The following ZBTB44 variants were observed in gnomAD, a reference collection of about 807,000 sequenced individuals.
ZBTB44 encodes zinc finger and BTB domain-containing protein 44.
A neutral mutation model predicts 54.0 loss-of-function variants in ZBTB44; 15 were observed. The observed-to-expected ratio is 0.28, with a 90% CI of 0.19 to 0.43. The LOEUF is 0.43. ZBTB44 is among the 20% of genes least tolerant of loss of function. ZBTB44 has a pLI of 1.00. For synonymous variants in ZBTB44, 230 were observed against 250.1 expected (o/e 0.92, Z 0.76); for missense variants, 487 against 707.1 (o/e 0.69, Z 3.53).
At chr11:130,236,673 G>A (rs992263003) in intron 5 of ZBTB44, 120 bp downstream of exon 5, 13 of 1,085,854 alleles carry the variant, frequency 1.2e-5, no homozygotes, top group East Asian at 3.1e-5. Context: ...GTGGGAATCC[G>A]TAACAAATGT....
chr11:130,256,548 C>T (rs1227042148), intron 2 of ZBTB44, among the ~76,000 whole-genome samples: 1 of 151,956 alleles, frequency 6.6e-6, no homozygotes, highest in Admixed American at 6.6e-5. Context: ...TGGTGGCATG[C>T]GTCTGTAGTC....
chr11:130,252,962 C>A (rs963441712), intron 2 of ZBTB44, among the ~76,000 whole-genome samples: 2 of 152,128 alleles, frequency 1.3e-5, no homozygotes, highest in Non-Finnish European at 2.9e-5. Context: ...AAGACAAAAA[C>A]CACATGATTA....
chr11:130,273,579 C>T (rs1353729130), intron 1 of ZBTB44, among the ~76,000 whole-genome samples: 1 of 152,130 alleles, frequency 6.6e-6, no homozygotes, highest in African/African-American at 2.4e-5. Flanking sequence ...TCCCAAACTG[C>T]TAGAATTACA....
rs185083810 is a variant in ZBTB44, at chr11:130,267,483, G to A, written c.-56-5554C>T. The stretch of plus-strand genomic sequence containing the variant: ...TACAGTGGCATGATCATGGCTCACC[G>A]TAGCCTTGAAGTCCTAGGGTCAAGC... On this transcript the variant is annotated intron_variant, in intron 1 of 7. Coordinates refer to ENST00000357899, the MANE Select transcript of ZBTB44 (RefSeq NM_001301098.2). 4.3e-4 allele frequency among the ~76,000 whole-genome samples: 65 copies of A among 151,984 alleles called. No homozygotes were observed. The East Asian group carries it at 9.3e-3, about 22-fold the overall frequency.
chr11:130,273,902 G>A (rs1219923357), intron 1 of ZBTB44, among the ~76,000 whole-genome samples: 1 of 56,692 alleles, frequency 1.8e-5, no homozygotes, highest in African/African-American at 6.3e-5. Context: ...GACCCCACCC[G>A]CCCAACCCCG....
intron 1 of ZBTB44, among the ~76,000 whole-genome samples, chr11:130,308,642 A>G (rs182080283): frequency 7.7e-4 from 117 of 152,362 alleles, no homozygotes; most frequent in Non-Finnish European, 1.2e-3. Flanking sequence ...GTATTAGTTC[A>G]TTCAGCCTAC....
intron 1 of ZBTB44, among the ~76,000 whole-genome samples, chr11:130,309,055 T>C (rs1025086524): frequency 6.6e-6 from 1 of 152,168 alleles, no homozygotes; most frequent in East Asian, 1.9e-4. Context: ...GACAGAAAAA[T>C]GCAAGTTAGC....
chr11:130,266,229 C>T (rs1194691900), intron 1 of ZBTB44, among the ~76,000 whole-genome samples: 1 of 152,232 alleles, frequency 6.6e-6, no homozygotes, highest in Non-Finnish European at 1.5e-5. Flanking sequence ...AACAACACAG[C>T]CTGATGACAG....
At chr11:130,312,223 A>T (rs531915339) in intron 1 of ZBTB44, among the ~76,000 whole-genome samples, 2 of 152,198 alleles carry the variant, frequency 1.3e-5, no homozygotes, top group Non-Finnish European at 2.9e-5. Flanking sequence ...AAAACCACTA[A>T]GCAAAAGATT....
chr11:130,240,041 A>ATT (rs11449622), intron 2 of ZBTB44, 145 bp from the exon 3 acceptor site: 41,131 of 319,050 alleles, frequency 0.13, 1,647 homozygotes, highest in Non-Finnish European at 0.15. Flanking sequence ...AGTGTTCTAC[A>ATT]TTTTTTTTTT....
chr11:130,243,252 G>A (rs1333157576), intron 2 of ZBTB44, among the ~76,000 whole-genome samples: 2 of 151,738 alleles, frequency 1.3e-5, no homozygotes, highest in East Asian at 1.9e-4. Context: ...TTTCCTGTTG[G>A]TTCTCTCTCT....
At chr11:130,290,607 T>C (rs147287879) in intron 1 of ZBTB44, among the ~76,000 whole-genome samples, 197 of 152,334 alleles carry the variant, frequency 1.3e-3, no homozygotes, top group African/African-American at 4.5e-3. Flanking sequence ...TTTACTGTTA[T>C]TTAAACTGTC....
intron 1 of ZBTB44, among the ~76,000 whole-genome samples, chr11:130,312,620 A>G (rs1450844092): frequency 1.3e-5 from 2 of 152,190 alleles, no homozygotes; most frequent in African/African-American, 4.8e-5. Context: ...TCAGAAAAAA[A>G]GAAGGGAGGG....
intron 1 of ZBTB44, among the ~76,000 whole-genome samples, chr11:130,276,815 A>C (rs1487211034): frequency 6.6e-6 from 1 of 152,052 alleles, no homozygotes; most frequent in Non-Finnish European, 1.5e-5. Flanking sequence ...TTTTTGCTTC[A>C]TGTATTTTGG....
At chr11:130,254,335 T>A (rs542405867) in intron 2 of ZBTB44, among the ~76,000 whole-genome samples, 1 of 152,186 alleles carries the variant, frequency 6.6e-6, no homozygotes, top group Admixed American at 6.5e-5. Flanking sequence ...AAAGGGCTAA[T>A]ATCCAGAATC....
At chr11:130,269,037 T>C (rs1368802288) in intron 1 of ZBTB44, among the ~76,000 whole-genome samples, 2 of 149,756 alleles carry the variant, frequency 1.3e-5, no homozygotes, top group Non-Finnish European at 3.0e-5. Flanking sequence ...ATGCCTGTAA[T>C]CCCAGCACTT....
chr11:130,268,120 G>A (rs759588376), intron 1 of ZBTB44, among the ~76,000 whole-genome samples: 20 of 151,318 alleles, frequency 1.3e-4, no homozygotes, highest in Non-Finnish European at 2.4e-4. Context: ...CAGGTTGGGT[G>A]CAGGGGCTCA....
At chr11:130,262,412 T>A (rs887216635) in intron 1 of ZBTB44, among the ~76,000 whole-genome samples, 1 of 152,176 alleles carries the variant, frequency 6.6e-6, no homozygotes. Flanking sequence ...GTGCTGGGAT[T>A]ACAGGTGTGA....
chr11:130,272,435 T>C (rs1939743731), intron 1 of ZBTB44, among the ~76,000 whole-genome samples: 1 of 152,262 alleles, frequency 6.6e-6, no homozygotes, highest in South Asian at 2.1e-4. Flanking sequence ...TTTGGAGCTC[T>C]GCCCATTGGG....
Sources: allele counts gnomAD v4.1 joint callset (sites outside exome capture counted in the v4.1 genomes callset), GRCh38; gene constraint gnomAD v4.1.1; transcripts MANE v1.5; gene names NCBI Gene and HGNC (gene_info 2026-07-23, HGNC 2026-07-21).